ITIH5: variants seen among roughly 807,000 people sequenced by gnomAD.
ITIH5 encodes inter-alpha-trypsin inhibitor heavy chain H5.
ITIH5 carries 65 observed loss-of-function variants against 77.5 expected under a neutral mutation model. The observed-to-expected ratio is 0.84, with a 90% confidence interval of 0.69 to 1.03. The LOEUF (loss-of-function observed/expected upper bound fraction) is 1.03. Among genes scored for constraint, ITIH5 ranks in the 50% least tolerant of loss-of-function variants. The probability of loss-of-function intolerance (pLI) is 0.00; values close to 1 mark genes in which losing one functional copy is unlikely to be tolerated. For synonymous variants in ITIH5, 525 were observed against 494.3 expected, an observed-to-expected ratio of 1.06 and a Z score of -0.82; for missense variants, 1,208 against 1,213.1, an observed-to-expected ratio of 1.00 and a Z score of 0.06.
At chr10:7,662,056 T>C (rs1283234289) in intron 1 of ITIH5, among the ~76,000 whole-genome samples, 1 of 152,154 alleles carries the variant, frequency 6.6e-6, no homozygotes, top group East Asian at 1.9e-4. Context: ...GTTTATTTTA[T>C]TTACCTATAA....
At chr10:7,642,854 C>G (rs201303813) in intron 2 of ITIH5, among the ~76,000 whole-genome samples, 1 of 152,136 alleles carries the variant, frequency 6.6e-6, no homozygotes, top group African/African-American at 2.4e-5. Context: ...AGGAAAGCCA[C>G]AAGCCACTGC....
chr10:7,644,884 T>TAA (rs1491469673), intron 2 of ITIH5, among the ~76,000 whole-genome samples: 1 of 112,206 alleles, frequency 8.9e-6, no homozygotes, highest in Admixed American at 1.1e-4. Context: ...CATATATATA[T>TAA]CACATATATA....
At chr10:7,568,180 A>G (rs74641890) in intron 12 of ITIH5, among the ~76,000 whole-genome samples, 7,555 of 152,254 alleles carry the variant, frequency 0.05, 649 homozygotes, top group African/African-American at 0.17. Flanking sequence ...TTTTGCTCTC[A>G]GGCAAAGCAG....
chr10:7,605,425 T>C (rs1225552520), intron 7 of ITIH5, among the ~76,000 whole-genome samples: 1 of 151,918 alleles, frequency 6.6e-6, no homozygotes, highest in Non-Finnish European at 1.5e-5. Flanking sequence ...ATATGCCCTA[T>C]TACACAGAGC....
chr10:7,622,236 G>C (rs1833485893), intron 5 of ITIH5: 1 of 152,186 alleles, frequency 6.6e-6, no homozygotes, highest in Non-Finnish European at 1.5e-5. Flanking sequence ...CAGTATTTTA[G>C]AGCAAGAAGT....
rs187448473 is a variant in ITIH5, at chr10:7,608,966, C to T, written c.939+7016G>A. The stretch of plus-strand genomic sequence containing the variant: ...CACTGTCCTTCACGTTACTTGGTGA[C>T]AAAAACAGAGCCTCAAAGCTTGAAA... On this transcript the variant is annotated intron_variant, in intron 7 of 13. Transcript: ENST00000397146. Among the ~76,000 whole-genome samples the T allele has an allele frequency of 1.9e-3, 294 of 152,288 alleles. 3 individuals are homozygous for T. The highest frequency in any genetic ancestry group is 3.4e-3 in the Non-Finnish European group (232 of 68,034).
At chr10:7,666,334 T>C (rs1318845010) in intron 1 of ITIH5, among the ~76,000 whole-genome samples, 2 of 152,032 alleles carry the variant, frequency 1.3e-5, no homozygotes, top group Admixed American at 6.6e-5. Context: ...AGTCGCTAAA[T>C]GGGAAAGTCG....
rs1410859440 is a variant in ITIH5 at position 7,566,241 on chromosome 10, C to T, written c.2316G>A (p.Val772=). ...CCACCACACTCTGGTTGCAGGGGAG[C>T]ACCAGTCTGTCCCCACCATCCAAGA... ...RVILDGGDRL[V]LPCNQSVVVG... is the part of the protein sequence containing the mutation. The change falls in exon 13 of 14, where the codon GTG becomes GTA. Residue 772 remains valine (V), a synonymous_variant. Transcript: ENST00000397146. The T allele has an allele frequency of 6.2e-7, 1 of 1,613,506 alleles. No individual in the cohort carries two copies. The highest frequency in any genetic ancestry group is 1.7e-5 in the Admixed American group (1 of 59,904).
At chr10:7,590,959 C>T (rs558602127) in intron 7 of ITIH5, among the ~76,000 whole-genome samples, 5 of 152,318 alleles carry the variant, frequency 3.3e-5, no homozygotes, top group Admixed American at 6.5e-5. Flanking sequence ...TGCAGCGGCG[C>T]GGTATCCACT....
chr10:7,642,156 T>C (rs1322199598), intron 2 of ITIH5, 66 bp from the exon 3 acceptor site: 7 of 1,252,862 alleles, frequency 5.6e-6, no homozygotes, highest in Non-Finnish European at 7.8e-6. Context: ...TAGTGGAACA[T>C]CTTTTTTTTT....
intron 7 of ITIH5, among the ~76,000 whole-genome samples, chr10:7,587,320 A>G (rs1832699972): frequency 6.6e-6 from 1 of 152,248 alleles, no homozygotes; most frequent in African/African-American, 2.4e-5. Context: ...ATAGTAATCC[A>G]TAGACACTGT....
intron 8 of ITIH5, among the ~76,000 whole-genome samples, chr10:7,584,939 G>A (rs910622067): frequency 5.9e-5 from 9 of 152,204 alleles, no homozygotes; most frequent in African/African-American, 2.2e-4. Flanking sequence ...TAAATGGAAA[G>A]TACCAGCCCA....
chr10:7,586,218 G>A, intron 7 of ITIH5, 149 bp from the exon 8 acceptor site: 1 of 675,590 alleles, frequency 1.5e-6, no homozygotes, highest in Non-Finnish European at 2.4e-6. Flanking sequence ...GAATGTCAAG[G>A]AATTGGTTAC....
chr10:7,628,817 C>G (rs1426056568), intron 5 of ITIH5, among the ~76,000 whole-genome samples: 2 of 141,686 alleles, frequency 1.4e-5, no homozygotes, highest in African/African-American at 2.5e-5. Flanking sequence ...TTGCATGTGT[C>G]CATGTTGTAG....
intron 7 of ITIH5, among the ~76,000 whole-genome samples, chr10:7,606,824 A>G (rs946741371): frequency 5.9e-5 from 9 of 152,236 alleles, no homozygotes; most frequent in African/African-American, 2.2e-4. Flanking sequence ...CCTCAACAAC[A>G]GCAATAAATT....
At chr10:7,637,938 G>A (rs1217743439) in intron 4 of ITIH5, among the ~76,000 whole-genome samples, 1 of 152,210 alleles carries the variant, frequency 6.6e-6, no homozygotes, top group African/African-American at 2.4e-5. Flanking sequence ...AGCAGGAAAG[G>A]TAGGGAATAA....
At chr10:7,625,045 GAT>G (rs912454355) in intron 5 of ITIH5, among the ~76,000 whole-genome samples, 3 of 151,556 alleles carry the variant, frequency 2.0e-5, no homozygotes, top group Non-Finnish European at 4.4e-5. Context: ...AGGAATATGA[GAT>G]TGAGAGACTT....
In ITIH5 at chr10:7,562,959, G is replaced by A. The variant is rs1832066395; in HGVS notation, c.*124C>T. On this transcript the variant is annotated 3_prime_UTR_variant, in exon 14 of 14. Transcript: ENST00000397146. ...AGACGTCGGATCTATGCTGCACCAG[G>A]GGTGGGTCATGGAGTCCAGCTAATT... The A allele has an allele frequency of 2.5e-6, 2 of 810,544 alleles. No homozygotes were observed. Among genetic ancestry groups the A allele is most frequent in the South Asian group, 3.0e-5 (2 of 66,170 alleles). The allele number at this position is 810,544 out of a possible 1,614,324, so 50.2% of individuals were successfully genotyped here. A position where few individuals can be genotyped will look rare whatever the true frequency, so the allele number is the denominator to read the frequency against.
rs1243394447 is a variant in ITIH5 at position 7,644,594 on chromosome 10, TCATACATATCACATATATCA to T, written c.136-2524_136-2505del. ...ATATATCACATATATCACATATATA[TCATACATATCACATATATCA>T]CATATATATCACATATATCACATAT... On this transcript the variant is annotated intron_variant, in intron 2 of 13. Transcript: ENST00000397146. 3.8e-4 allele frequency among the ~76,000 whole-genome samples: 51 copies of T among 134,670 alleles called. 1 individual carries two copies. The highest frequency in any genetic ancestry group is 5.0e-4 in the Non-Finnish European group (33 of 65,512). 88.3% of individuals were successfully genotyped at this position (134,670 alleles called of 152,430 possible).
Sources: allele counts gnomAD v4.1 joint callset (sites outside exome capture counted in the v4.1 genomes callset), GRCh38; gene constraint gnomAD v4.1.1; transcripts MANE v1.5; gene names NCBI Gene and HGNC (gene_info 2026-07-23, HGNC 2026-07-21).